KLHDC4: variants seen among roughly 807,000 people sequenced by gnomAD.
KLHDC4 encodes kelch domain containing 4.
KLHDC4 carries 90 observed loss-of-function variants against 62.4 expected under a neutral mutation model. The ratio of observed to expected loss-of-function variants is 1.44; its 90% CI spans 1.22 to 1.72. The LOEUF is 1.72. Among genes scored for constraint, KLHDC4 ranks in the 40% most tolerant of loss-of-function variants. The pLI is 0.00. For synonymous variants in KLHDC4, 386 were observed against 284.4 expected, an observed-to-expected ratio of 1.36 and a Z score of -3.59; for missense variants, 1,025 against 699.7, an observed-to-expected ratio of 1.47 and a Z score of -5.25.
intron 5 of KLHDC4, among the ~76,000 whole-genome samples, chr16:87,745,392 G>A (rs1195733499): frequency 1.3e-5 from 2 of 152,170 alleles, no homozygotes; most frequent in African/African-American, 2.4e-5. Context: ...CCTCTGCCCC[G>A]CCTTCTGCTC....
intron 5 of KLHDC4, among the ~76,000 whole-genome samples, chr16:87,747,035 G>T (rs529252688): frequency 1.3e-5 from 2 of 152,196 alleles, no homozygotes; most frequent in African/African-American, 4.8e-5. Context: ...AGGGGCCAGG[G>T]CCACTCCCAA....
At chr16:87,735,515 C>G (rs968465088) in intron 5 of KLHDC4, among the ~76,000 whole-genome samples, 2 of 152,288 alleles carry the variant, frequency 1.3e-5, no homozygotes, top group Admixed American at 6.5e-5. Flanking sequence ...CATGGGAACC[C>G]CACCAGAGTC....
chr16:87,765,501 G>A (rs990489576), intron 1 of KLHDC4, among the ~76,000 whole-genome samples: 4 of 152,060 alleles, frequency 2.6e-5, no homozygotes, highest in African/African-American at 9.7e-5. Context: ...GAGGGAGAAG[G>A]GAGGAGGGGG....
chr16:87,713,922 T>C (rs1342319834), intron 8 of KLHDC4, among the ~76,000 whole-genome samples: 1 of 152,144 alleles, frequency 6.6e-6, no homozygotes, highest in Non-Finnish European at 1.5e-5. Context: ...CCGAGTTCAG[T>C]AACTCAAGCT....
chr16:87,744,676 A>C (rs1281646983), intron 5 of KLHDC4, among the ~76,000 whole-genome samples: 6 of 152,226 alleles, frequency 3.9e-5, no homozygotes, highest in Non-Finnish European at 7.3e-5. Context: ...AATGAGAAAA[A>C]TCCTCCAACC....
intron 5 of KLHDC4, among the ~76,000 whole-genome samples, chr16:87,731,237 G>C (rs1353373805): frequency 6.6e-6 from 1 of 151,216 alleles, no homozygotes; most frequent in African/African-American, 2.4e-5. Context: ...CTGATTTTTT[G>C]TATTTCTAGT....
chr16:87,725,475 A>G (rs1483833835), intron 7 of KLHDC4, among the ~76,000 whole-genome samples: 2 of 152,354 alleles, frequency 1.3e-5, no homozygotes, highest in East Asian at 3.9e-4. Context: ...TAAGCATAGC[A>G]AAATCTTAAT....
At chr16:87,762,078 C>A (rs760019703) in intron 1 of KLHDC4, 38 bp from the exon 2 acceptor site, 2 of 1,604,994 alleles carry the variant, frequency 1.2e-6, no homozygotes, top group Non-Finnish European at 1.7e-6. Flanking sequence ...GACTTATTCC[C>A]AGGACCCGCC....
At chr16:87,762,936 A>T (rs530265515) in intron 1 of KLHDC4, among the ~76,000 whole-genome samples, 64 of 151,178 alleles carry the variant, frequency 4.2e-4, no homozygotes, top group African/African-American at 1.5e-3. Flanking sequence ...ACCTGGCCTC[A>T]CTCTCCAAGA....
chr16:87,742,390 C>T (rs1283481583), intron 5 of KLHDC4, among the ~76,000 whole-genome samples: 1 of 152,132 alleles, frequency 6.6e-6, no homozygotes, highest in African/African-American at 2.4e-5. Context: ...AAAAGCAAAA[C>T]CTACACTACT....
intron 9 of KLHDC4, 173 bp downstream of exon 9, chr16:87,711,062 G>T: frequency 1.6e-6 from 1 of 625,754 alleles, no homozygotes; most frequent in South Asian, 2.0e-5. Flanking sequence ...GTGACCAAGG[G>T]CTCTCCAAGC....
rs559567289 is a variant in KLHDC4 at position 87,765,705 on chromosome 16, C to T, written c.99+87G>A. ...GCAGGGCCGGCGCGGCTCCCACGGC[C>T]GACCCGTAACCCCGGGGGGCGCAGG... On this transcript the variant is annotated intron_variant, in intron 1 of 11. Transcript: ENST00000270583. The T allele has an allele frequency of 3.0e-6, 4 of 1,326,028 alleles. No individual in the cohort carries two copies. In the East Asian group the frequency reaches 7.7e-5, roughly 26 times the overall value. 82.1% of individuals were successfully genotyped at this position (1,326,028 alleles called of 1,614,324 possible).
chr16:87,757,620 T>C (rs1255221481), intron 2 of KLHDC4, among the ~76,000 whole-genome samples: 3 of 152,118 alleles, frequency 2.0e-5, no homozygotes, highest in African/African-American at 7.2e-5. Context: ...CCAGGCCCGG[T>C]GGCTCACACT....
chr16:87,735,801 C>G lies in KLHDC4; in HGVS notation c.507-5157G>C, dbSNP rs576639480. Among the ~76,000 whole-genome samples the G allele has an allele frequency of 5.3e-5, 8 of 152,286 alleles. No individual in the cohort carries two copies. The South Asian group carries it at 1.4e-3, about 28-fold the overall frequency. ...AAAATACAGGGGAATGTCGTGGTGGCGGCTGCCTCGAGGCTCAGCAGCTGC... is the reference window on the plus strand; with the variant it reads ...AAAATACAGGGGAATGTCGTGGTGGGGGCTGCCTCGAGGCTCAGCAGCTGC... On this transcript the variant is annotated intron_variant, in intron 5 of 11. Transcript: ENST00000270583.
chr16:87,727,254 G>A (rs868470558), intron 6 of KLHDC4, among the ~76,000 whole-genome samples: 2 of 152,286 alleles, frequency 1.3e-5, no homozygotes, highest in Middle Eastern at 3.4e-3. Flanking sequence ...TTGAAAACCG[G>A]AAATAATGCT....
chr16:87,752,614 C>T (rs1361617165), intron 4 of KLHDC4, among the ~76,000 whole-genome samples: 1 of 151,996 alleles, frequency 6.6e-6, no homozygotes, highest in Non-Finnish European at 1.5e-5. Flanking sequence ...GGATTACAGG[C>T]ATGAGCCACC....
At chr16:87,759,434 A>T (rs1279476990) in intron 2 of KLHDC4, among the ~76,000 whole-genome samples, 2 of 141,932 alleles carry the variant, frequency 1.4e-5, no homozygotes, top group African/African-American at 5.2e-5. Flanking sequence ...AGAAAAAAAG[A>T]AAAAAAAAAA....
intron 6 of KLHDC4, among the ~76,000 whole-genome samples, chr16:87,727,162 C>G (rs527955918): frequency 8.0e-6 from 1 of 124,774 alleles, no homozygotes; most frequent in Admixed American, 7.8e-5. Context: ...CGCAATCTAC[C>G]TGGAGACAGG....
At chr16:87,701,397 G>C (rs2034137348) in exon 1 of KLHDC4, 1 of 333,810 alleles carries the variant, frequency 3.0e-6, no homozygotes, top group South Asian at 2.4e-5. Context: ...CACCCATTAG[G>C]AACAAATGCT....
Sources: allele counts gnomAD v4.1 joint callset (sites outside exome capture counted in the v4.1 genomes callset), GRCh38; gene constraint gnomAD v4.1.1; transcripts MANE v1.5; gene names NCBI Gene and HGNC (gene_info 2026-07-23, HGNC 2026-07-21).